SLC11A2: variants seen among roughly 807,000 people sequenced by gnomAD.
SLC11A2 encodes natural resistance-associated macrophage protein 2.
Under a neutral mutation model 68.0 loss-of-function variants are expected in SLC11A2, and 38 were observed. The observed-to-expected ratio is 0.56, with a 90% CI of 0.43 to 0.73. The LOEUF is 0.73. SLC11A2 is among the 30% of genes least tolerant of loss of function. The pLI is 0.00. For missense variants in SLC11A2, 517 were observed against 690.5 expected (o/e 0.75, Z 2.82); for synonymous variants, 242 against 250.6 (o/e 0.97, Z 0.32).
At chr12:51,026,523 G>C (rs1034476269), upstream of SLC11A2, 2 of 403,104 alleles carry the variant, frequency 5.0e-6, no homozygotes, top group African/African-American at 3.3e-5. Context: ...GTCTGGATGC[G>C]GCGGCCCCTG....
intron 1 of SLC11A2, among the ~76,000 whole-genome samples, chr12:51,019,518 T>C (rs937506051): frequency 2.0e-5 from 3 of 152,176 alleles, no homozygotes; most frequent in African/African-American, 7.2e-5. Context: ...CTGAACCCTA[T>C]GTATTTTAAT....
In SLC11A2 at chr12:50,988,002, G is replaced by T; in HGVS notation, c.*323C>A. ...CAATTTTTTTTTAACATATAGCCTG[G>T]TTAAGAATCATGCATATCCTTGTCT... is the stretch of plus-strand genomic sequence containing the variant. On this transcript the variant is annotated 3_prime_UTR_variant, in exon 16 of 16. Coordinates refer to ENST00000262052, the MANE Select transcript of SLC11A2 (RefSeq NM_000617.3). The T allele has an allele frequency of 7.5e-7, 1 of 1,330,218 alleles. No homozygotes were observed. Among genetic ancestry groups the T allele is most frequent in the Non-Finnish European group, 9.8e-7 (1 of 1,017,554 alleles). 82.4% of individuals were successfully genotyped at this position (1,330,218 alleles called of 1,614,324 possible).
intron 6 of SLC11A2, among the ~76,000 whole-genome samples, chr12:50,999,791 T>C (rs916439470): frequency 5.3e-5 from 8 of 152,030 alleles, no homozygotes; most frequent in African/African-American, 1.9e-4. Context: ...TTCCTAGACC[T>C]GAGGTCAGGA....
chr12:51,006,207 G>C (rs191586351), intron 3 of SLC11A2: 2 of 161,398 alleles, frequency 1.2e-5, no homozygotes, highest in Non-Finnish European at 2.7e-5. Context: ...GCTGAGGCAG[G>C]AGAATCACTT....
chr12:50,991,677 AAAAG>A lies in SLC11A2; in HGVS notation c.1348-9_1348-6del, dbSNP rs1245859830. 1 of 1,612,718 alleles carries A rather than the reference AAAAG, an allele frequency of 6.2e-7. No homozygotes were observed. The highest frequency in any genetic ancestry group is 8.5e-7 in the Non-Finnish European group (1 of 1,179,100). ...GGGTATGAGAGCAAAGGGAAGCTGG[AAAAG>A]AAAGAAGATCAGATGGGATTACTAT... On this transcript the variant is annotated splice_region_variant and splice_polypyrimidine_tract_variant and intron_variant, in intron 13 of 15. Coordinates refer to ENST00000262052, the MANE Select transcript of SLC11A2 (RefSeq NM_000617.3).
chr12:50,984,160 C>T (rs139351567), downstream of SLC11A2, among the ~76,000 whole-genome samples: 318 of 151,958 alleles, frequency 2.1e-3, 1 homozygote, highest in Non-Finnish European at 3.8e-3. Context: ...GCCAAGTACA[C>T]CAATATACTA....
At chr12:51,003,041 G>A (rs1455251459) in intron 5 of SLC11A2, among the ~76,000 whole-genome samples, 1 of 151,910 alleles carries the variant, frequency 6.6e-6, no homozygotes, top group Non-Finnish European at 1.5e-5. Flanking sequence ...TTCGAGACCA[G>A]CCTGGCCAAC....
At chr12:51,026,603 G>T (rs1257031452), upstream of SLC11A2, among the ~76,000 whole-genome samples, 2 of 152,026 alleles carry the variant, frequency 1.3e-5, no homozygotes, top group African/African-American at 2.4e-5. Context: ...GCGTTGGCCA[G>T]ACCCACACAG....
At chr12:50,970,427 T>C in the SLC11A2 span, 62 of 1,324,538 alleles carry the variant, frequency 4.7e-5, no homozygotes, top group African/African-American at 8.2e-4. Context: ...TTGATATACA[T>C]CCTTCTTTTT....
chr12:50,992,502 G>A (rs543831640), intron 12 of SLC11A2, among the ~76,000 whole-genome samples, 163 bp from the exon 13 acceptor site: 9 of 151,992 alleles, frequency 5.9e-5, no homozygotes, highest in Non-Finnish European at 1.0e-4. Flanking sequence ...AGGCCAAGGC[G>A]GGTAGATCAC....
chr12:50,991,766 C>T (rs1941176799), intron 13 of SLC11A2, 94 bp from the exon 14 acceptor site: 1 of 903,486 alleles, frequency 1.1e-6, no homozygotes, highest in African/African-American at 1.6e-5. Context: ...TAAATGCTGC[C>T]TCAACTACTC....
Position 50,995,609 on chromosome 12 carries a change from C to T in SLC11A2, c.990+20G>A, listed in dbSNP as rs934516195. On this transcript the variant is annotated intron_variant, in intron 10 of 15. Coordinates refer to ENST00000262052, the MANE Select transcript of SLC11A2 (RefSeq NM_000617.3). ...CTTTACCCTCACATTCACTACCACCCATAACCCTGGCTTACTCACCACCTG... is the reference window on the plus strand; with the variant it reads ...CTTTACCCTCACATTCACTACCACCTATAACCCTGGCTTACTCACCACCTG... 9.3e-6 allele frequency: 15 copies of T among 1,613,576 alleles called. No homozygotes were observed. Among genetic ancestry groups the T allele is most frequent in the Non-Finnish European group, 1.2e-5 (14 of 1,179,552 alleles).
chr12:50,998,724 C>G (rs887220016), intron 8 of SLC11A2, among the ~76,000 whole-genome samples: 5 of 152,116 alleles, frequency 3.3e-5, no homozygotes, highest in African/African-American at 1.2e-4. Context: ...GGGCACAAAC[C>G]AGGAAATATC....
chr12:51,003,168 G>A (rs915739835), intron 5 of SLC11A2, among the ~76,000 whole-genome samples: 1 of 152,060 alleles, frequency 6.6e-6, no homozygotes. Context: ...ACTGAAGGCG[G>A]AGGTTGCAGT....
At chr12:50,970,963 C>A in the SLC11A2 span, among the ~76,000 whole-genome samples, 1 of 152,118 alleles carries the variant, frequency 6.6e-6, no homozygotes, top group Non-Finnish European at 1.5e-5. Flanking sequence ...ACCGCAACCT[C>A]TGCCTCTCAG....
chr12:50,959,046 C>T, the SLC11A2 span, among the ~76,000 whole-genome samples: 2 of 152,222 alleles, frequency 1.3e-5, no homozygotes, highest in South Asian at 2.1e-4. Context: ...AAAAGATGCA[C>T]ACTTTTACTG....
the SLC11A2 span, chr12:50,953,863 A>C: frequency 1.8e-6 from 1 of 567,954 alleles, no homozygotes; most frequent in South Asian, 2.4e-5. Context: ...CAATTGTTTC[A>C]GTTGAGCAGA....
chr12:50,956,375 G>C, the SLC11A2 span, among the ~76,000 whole-genome samples: 1 of 152,168 alleles, frequency 6.6e-6, no homozygotes, highest in African/African-American at 2.4e-5. Context: ...CTGGGCAACA[G>C]AGCGAGACTC....
rs184114633 is a variant in SLC11A2, at chr12:50,986,208, A to G, written c.*2117T>C. ...CAAGAACCAATTTATATAAAGTACA[A>G]TTGTATATCCTTAAACATTCCACAT... On this transcript the variant is annotated 3_prime_UTR_variant, in exon 16 of 16. Coordinates refer to ENST00000262052, the MANE Select transcript of SLC11A2 (RefSeq NM_000617.3). The G allele has an allele frequency of 1.2e-5, 16 of 1,283,214 alleles. 1 individual carries two copies. Among genetic ancestry groups the G allele is most frequent in the Admixed American group, 4.6e-5 (2 of 43,544 alleles). The allele number at this position is 1,283,214 out of a possible 1,614,324, so 79.5% of individuals were successfully genotyped here. A position where few individuals can be genotyped will look rare whatever the true frequency, so the allele number is the denominator to read the frequency against.
Sources: allele counts gnomAD v4.1 joint callset (sites outside exome capture counted in the v4.1 genomes callset), GRCh38; gene constraint gnomAD v4.1.1; transcripts MANE v1.5; gene names NCBI Gene and HGNC (gene_info 2026-07-23, HGNC 2026-07-21).